The following ZDHHC14 variants were observed in gnomAD, a reference collection of about 807,000 sequenced individuals.
ZDHHC14 encodes zDHHC palmitoyltransferase 14, also known as palmitoyltransferase ZDHHC14.
A neutral mutation model predicts 47.7 loss-of-function variants in ZDHHC14; 16 were observed. The ratio of observed to expected loss-of-function variants is 0.34; its 90% CI spans 0.23 to 0.51. The LOEUF (loss-of-function observed/expected upper bound fraction) is 0.51, where lower values mean the gene tolerates loss of function less well. Among genes scored for constraint, ZDHHC14 ranks in the 20% least tolerant of loss-of-function variants. The probability of loss-of-function intolerance (pLI) is 0.97; values close to 1 mark genes in which losing one functional copy is unlikely to be tolerated. For synonymous variants in ZDHHC14, 293 were observed against 278.9 expected (o/e 1.05, Z -0.50); for missense variants, 515 against 662.5 (o/e 0.78, Z 2.44).
intron 5 of ZDHHC14, among the ~76,000 whole-genome samples, chr6:157,633,486 G>T: frequency 6.6e-6 from 1 of 152,116 alleles, no homozygotes; most frequent in Admixed American, 6.5e-5. Flanking sequence ...AAAGAAAAGC[G>T]TGTGCCCATT....
intron 1 of ZDHHC14, among the ~76,000 whole-genome samples, chr6:157,516,229 CTT>C (rs1216830634): frequency 6.6e-6 from 1 of 152,198 alleles, no homozygotes; most frequent in African/African-American, 2.4e-5. Flanking sequence ...TAATATGTAA[CTT>C]ATTACTACAT....
chr6:157,395,990 T>A (rs1348147827), intron 1 of ZDHHC14, among the ~76,000 whole-genome samples: 1 of 152,028 alleles, frequency 6.6e-6, no homozygotes, highest in Non-Finnish European at 1.5e-5. Flanking sequence ...TGTATAGCAG[T>A]CCAGTTGATT....
At chr6:157,547,419 T>C (rs1477080616) in intron 2 of ZDHHC14, among the ~76,000 whole-genome samples, 1 of 152,002 alleles carries the variant, frequency 6.6e-6, no homozygotes, top group Non-Finnish European at 1.5e-5. Context: ...CCTGGATTTG[T>C]CAGGGACACA....
intron 5 of ZDHHC14, among the ~76,000 whole-genome samples, chr6:157,640,311 A>G (rs1777189162): frequency 6.6e-6 from 1 of 152,244 alleles, no homozygotes; most frequent in Non-Finnish European, 1.5e-5. Context: ...CTCCATTTGC[A>G]GAGGCTGTGA....
intron 2 of ZDHHC14, among the ~76,000 whole-genome samples, chr6:157,546,312 G>C (rs1306582889): frequency 6.6e-6 from 1 of 152,214 alleles, no homozygotes; most frequent in Non-Finnish European, 1.5e-5. Flanking sequence ...TGAACAATTA[G>C]ATTTGGAAAC....
intron 3 of ZDHHC14, 48 bp downstream of exon 3, chr6:157,593,194 T>A (rs1391128894): frequency 1.3e-6 from 2 of 1,575,034 alleles, no homozygotes; most frequent in South Asian, 1.2e-5. Flanking sequence ...GTCCTCCGGG[T>A]GGGTTTGCGC....
intron 1 of ZDHHC14, among the ~76,000 whole-genome samples, chr6:157,394,270 G>A (rs759155517): frequency 1.3e-5 from 2 of 152,118 alleles, no homozygotes; most frequent in Non-Finnish European, 2.9e-5. Context: ...GTCATTTCAC[G>A]GATTCTTTGA....
At chr6:157,433,942 C>T (rs538052084) in intron 1 of ZDHHC14, among the ~76,000 whole-genome samples, 1 of 152,290 alleles carries the variant, frequency 6.6e-6, no homozygotes, top group East Asian at 1.9e-4. Flanking sequence ...CCACCCTCCA[C>T]ACACATACTT....
At chr6:157,638,645 C>T (rs1434521842) in intron 5 of ZDHHC14, among the ~76,000 whole-genome samples, 1 of 152,242 alleles carries the variant, frequency 6.6e-6, no homozygotes, top group Non-Finnish European at 1.5e-5. Context: ...GAGAACCATC[C>T]GCCTGGGCCC....
intron 1 of ZDHHC14, among the ~76,000 whole-genome samples, chr6:157,456,416 C>T (rs1562432565): frequency 6.6e-6 from 1 of 152,164 alleles, no homozygotes; most frequent in Non-Finnish European, 1.5e-5. Flanking sequence ...CCAGGCTCTC[C>T]CTAGTCATAA....
At chr6:157,482,221 TA>T (rs1779647098) in intron 1 of ZDHHC14, among the ~76,000 whole-genome samples, 1 of 151,998 alleles carries the variant, frequency 6.6e-6, no homozygotes, top group Admixed American at 6.6e-5. Flanking sequence ...ATGCCTGTAG[TA>T]AAGTGAGGAC....
intron 1 of ZDHHC14, among the ~76,000 whole-genome samples, chr6:157,473,375 C>T (rs1209526771): frequency 2.0e-5 from 3 of 152,216 alleles, no homozygotes; most frequent in Non-Finnish European, 4.4e-5. Context: ...ATAAGTTTCA[C>T]TTTTTAAGAT....
chr6:157,495,668 T>C (rs1780044722), intron 1 of ZDHHC14, among the ~76,000 whole-genome samples: 1 of 150,578 alleles, frequency 6.6e-6, no homozygotes. Flanking sequence ...CAAGCAGTTT[T>C]GGGAAATGTT....
In ZDHHC14 at chr6:157,382,144, G is replaced by C; in HGVS notation, c.123G>C (p.Glu41Asp). 1.9e-6 allele frequency: 3 copies of C among 1,613,858 alleles called. No individual in the cohort carries two copies. Among genetic ancestry groups the C allele is most frequent in the Non-Finnish European group, 2.5e-6 (3 of 1,179,896 alleles). ...AAATCGCGGCCCGGAGGAAATGGGA[G>C]GTGTTCCCGGGAAGAAACAAGTTCT... The part of the protein sequence containing the change: ...KKKIAARRKW[E>D]VFPGRNKFFC... The change falls in exon 1 of 9, where the codon GAG becomes GAC. Residue 41 changes from glutamate (E) to aspartate (D), a missense_variant. Glu to Asp is a conservative substitution (Grantham distance 45, BLOSUM62 2). Transcript: ENST00000359775.
At chr6:157,444,724 A>G (rs186275875) in intron 1 of ZDHHC14, among the ~76,000 whole-genome samples, 7 of 151,926 alleles carry the variant, frequency 4.6e-5, no homozygotes, top group African/African-American at 7.2e-5. Flanking sequence ...CAGGAAAGTC[A>G]GTAACACTTT....
rs187540406 is a variant in ZDHHC14, at chr6:157,464,829, C to T, written c.246-77756C>T. 2.3e-3 allele frequency among the ~76,000 whole-genome samples: 351 copies of T among 152,312 alleles called. 1 individual carries two copies. Among genetic ancestry groups the T allele is most frequent in the African/African-American group, 7.7e-3 (320 of 41,560 alleles). The stretch of plus-strand genomic sequence containing the variant: ...CCTGATCCTGGCTGCCAGGGCCGTC[C>T]GCCCTTGGCTGCCTCCCTCACAAAT... On this transcript the variant is annotated intron_variant, in intron 1 of 8. Transcript: ENST00000359775.
At chr6:157,484,955 G>A (rs987611805) in intron 1 of ZDHHC14, among the ~76,000 whole-genome samples, 26 of 152,140 alleles carry the variant, frequency 1.7e-4, no homozygotes, top group South Asian at 4.2e-4. Context: ...AAAATTAGCC[G>A]GATGTGATGG....
chr6:157,487,407 C>G (rs1464689073), intron 1 of ZDHHC14, among the ~76,000 whole-genome samples: 1 of 152,168 alleles, frequency 6.6e-6, no homozygotes, highest in African/African-American at 2.4e-5. Context: ...TATTTCTTTG[C>G]AAACCTGTAA....
intron 7 of ZDHHC14, among the ~76,000 whole-genome samples, chr6:157,651,213 G>A (rs1385466247): frequency 2.0e-5 from 3 of 152,242 alleles, no homozygotes; most frequent in Non-Finnish European, 4.4e-5. Context: ...TGGCAGGGTT[G>A]TACCCGCCCC....
Sources: gnomAD v4.1 joint callset for allele counts (sites outside exome capture counted in the v4.1 genomes callset) on GRCh38, gnomAD v4.1.1 for gene constraint, MANE v1.5 for transcripts, NCBI Gene and HGNC (gene_info 2026-07-23, HGNC 2026-07-21) for gene names.